CDYL2: variants seen among roughly 807,000 people sequenced by gnomAD.
CDYL2 encodes the protein chromodomain Y-like protein 2.
In CDYL2, 23 loss-of-function variants were observed where a neutral mutation model predicts 49.4. The observed-to-expected ratio is 0.47, with a 90% CI of 0.34 to 0.66. CDYL2 has a LOEUF of 0.66. Among genes scored for constraint, CDYL2 ranks in the 30% least tolerant of loss-of-function variants. The pLI, the probability that CDYL2 is intolerant of heterozygous loss-of-function variation, is 0.01. For synonymous variants in CDYL2, 360 were observed against 268.8 expected (o/e 1.34, Z -3.32); for missense variants, 678 against 656.4 (o/e 1.03, Z -0.36).
At chr16:80,692,759 G>A (rs998025062) in intron 1 of CDYL2, among the ~76,000 whole-genome samples, 4 of 152,192 alleles carry the variant, frequency 2.6e-5, no homozygotes, top group African/African-American at 9.7e-5. Context: ...GGTCAAACAT[G>A]AAGAAGAGTG....
intron 1 of CDYL2, among the ~76,000 whole-genome samples, chr16:80,739,150 G>A (rs4619421): frequency 0.43 from 65,795 of 152,106 alleles, 15,889 homozygotes; most frequent in South Asian, 0.6. Context: ...AAATAAGCCA[G>A]TCATGAAAAG....
intron 2 of CDYL2, among the ~76,000 whole-genome samples, chr16:80,677,401 A>T (rs1909795002): frequency 6.6e-6 from 1 of 152,150 alleles, no homozygotes; most frequent in Non-Finnish European, 1.5e-5. Flanking sequence ...GGAGTTAGTC[A>T]CAGCGTTTCA....
chr16:80,652,386 G>C (rs566398783), intron 2 of CDYL2, among the ~76,000 whole-genome samples: 16 of 152,180 alleles, frequency 1.1e-4, no homozygotes, highest in Non-Finnish European at 2.2e-4. Flanking sequence ...AAATATAGTA[G>C]TACTGGATTA....
At chr16:80,732,467 T>A (rs1292995398) in intron 1 of CDYL2, among the ~76,000 whole-genome samples, 2 of 152,108 alleles carry the variant, frequency 1.3e-5, no homozygotes, top group Non-Finnish European at 2.9e-5. Context: ...GAAAAAAAGG[T>A]TTCTCTATAA....
intron 1 of CDYL2, among the ~76,000 whole-genome samples, chr16:80,717,733 A>G (rs1042805951): frequency 6.6e-6 from 1 of 152,256 alleles, no homozygotes; most frequent in African/African-American, 2.4e-5. Flanking sequence ...GATATGTAAA[A>G]GGCAGACAGG....
Position 80,645,458 on chromosome 16 carries a change from T to C in CDYL2, c.617-12222A>G, listed in dbSNP as rs1908296837. ...AGATACCATCTCATGCCAGTTAGAA[T>C]GGCAATCATTAAAAAGTCAGGAAAC... On this transcript the variant is annotated intron_variant, in intron 2 of 6. Transcript: ENST00000570137. Among the ~76,000 whole-genome samples the C allele has an allele frequency of 2.6e-5, 4 of 152,140 alleles. No individual in the cohort carries two copies. The East Asian group carries it at 7.7e-4, about 29-fold the overall frequency.
intron 1 of CDYL2, among the ~76,000 whole-genome samples, chr16:80,722,013 G>C (rs1485663252): frequency 6.6e-6 from 1 of 152,168 alleles, no homozygotes; most frequent in African/African-American, 2.4e-5. Flanking sequence ...GGAAGAAGTG[G>C]TTATGGACCC....
At chr16:80,639,802 T>G (rs1194943531) in intron 2 of CDYL2, 3 of 449,848 alleles carry the variant, frequency 6.7e-6, no homozygotes, top group African/African-American at 2.0e-5. Flanking sequence ...GTTTGTGCAC[T>G]GTGGAAAGGG....
rs1022876009 is a variant in CDYL2 at position 80,729,814 on chromosome 16, A to G, written c.25-44685T>C. The stretch of plus-strand genomic sequence containing the variant: ...TAAGAAACTCACTCAAAACCACTCA[A>G]CTACATGGAAACTGAACAACCTGCT... On this transcript the variant is annotated intron_variant, in intron 1 of 6. Transcript: ENST00000570137. Among the ~76,000 whole-genome samples, 231 of 152,268 alleles carry G rather than the reference A, an allele frequency of 1.5e-3. 1 individual carries two copies. The highest frequency in any genetic ancestry group is 5.4e-3 in the African/African-American group (226 of 41,556).
At chr16:80,643,589 T>A (rs1908201087) in intron 2 of CDYL2, among the ~76,000 whole-genome samples, 1 of 152,252 alleles carries the variant, frequency 6.6e-6, no homozygotes, top group Non-Finnish European at 1.5e-5. Context: ...CGCATTTCCA[T>A]ACATCTTCTG....
intron 2 of CDYL2, among the ~76,000 whole-genome samples, chr16:80,681,595 C>T (rs1411711400): frequency 1.3e-5 from 2 of 152,208 alleles, no homozygotes; most frequent in Admixed American, 1.3e-4. Flanking sequence ...TTTTCCTCTT[C>T]CCAGTTCCCC....
intron 2 of CDYL2, among the ~76,000 whole-genome samples, chr16:80,652,501 G>A (rs758818071): frequency 1.7e-4 from 26 of 152,140 alleles, no homozygotes; most frequent in Non-Finnish European, 3.5e-4. Flanking sequence ...AAGAATTCCC[G>A]ATAGTTTGTG....
intron 2 of CDYL2, among the ~76,000 whole-genome samples, chr16:80,637,316 G>C (rs1022862126): frequency 6.6e-6 from 1 of 152,136 alleles, no homozygotes; most frequent in African/African-American, 2.4e-5. Flanking sequence ...TTAGCGGTGA[G>C]AAATGGATGC....
At chr16:80,672,407 T>C (rs1009227612) in intron 2 of CDYL2, among the ~76,000 whole-genome samples, 30 of 148,182 alleles carry the variant, frequency 2.0e-4, no homozygotes, top group African/African-American at 7.0e-4. Context: ...GTGATTAAGA[T>C]CTAATGATAC....
intron 1 of CDYL2, among the ~76,000 whole-genome samples, chr16:80,763,155 T>A (rs148466090): frequency 1.3e-5 from 2 of 150,092 alleles, no homozygotes; most frequent in African/African-American, 2.5e-5. Context: ...ACCTAACTAA[T>A]CCTGTATTCC....
chr16:80,728,027 C>G (rs1054890648), intron 1 of CDYL2, among the ~76,000 whole-genome samples: 4 of 152,198 alleles, frequency 2.6e-5, no homozygotes, highest in African/African-American at 7.2e-5. Context: ...ACTGGAAACT[C>G]TAAAAAGCAG....
At chr16:80,605,032 G>C (rs1327860459) in intron 6 of CDYL2, among the ~76,000 whole-genome samples, 2 of 152,116 alleles carry the variant, frequency 1.3e-5, no homozygotes, top group Non-Finnish European at 2.9e-5. Context: ...AATCATGGTA[G>C]TAACAACTAA....
chr16:80,691,720 T>C (rs940037442), intron 1 of CDYL2, among the ~76,000 whole-genome samples: 3 of 152,220 alleles, frequency 2.0e-5, no homozygotes, highest in African/African-American at 7.2e-5. Context: ...TATTTTTGAA[T>C]AGTATTTGTG....
chr16:80,726,018 T>C (rs1305790253), intron 1 of CDYL2, among the ~76,000 whole-genome samples: 1 of 152,204 alleles, frequency 6.6e-6, no homozygotes, highest in African/African-American at 2.4e-5. Flanking sequence ...GCTTCCTCCA[T>C]TATGTATGTC....
Sources: allele counts gnomAD v4.1 joint callset (sites outside exome capture counted in the v4.1 genomes callset), GRCh38; gene constraint gnomAD v4.1.1; transcripts MANE v1.5; gene names NCBI Gene and HGNC (gene_info 2026-07-23, HGNC 2026-07-21).